The following GDE1 variants were observed in gnomAD, a reference collection of about 807,000 sequenced individuals.
The protein encoded by GDE1 is RGS16-interacting membrane protein.
A neutral mutation model predicts 32.2 loss-of-function variants in GDE1; 24 were observed. The ratio of observed to expected loss-of-function variants is 0.75; its 90% confidence interval spans 0.54 to 1.05. The LOEUF (loss-of-function observed/expected upper bound fraction) is 1.05, where lower values mean the gene tolerates loss of function less well. Ranked by LOEUF, GDE1 falls within the 50% of genes least tolerant of loss-of-function variation. The probability of loss-of-function intolerance (pLI) is 0.00; values close to 1 mark genes in which losing one functional copy is unlikely to be tolerated. For synonymous variants in GDE1, 159 were observed against 158.6 expected (o/e 1.00, Z -0.02); for missense variants, 380 against 415.0 (o/e 0.92, Z 0.73).
At chr16:19,518,127 A>G (rs907086775) in intron 1 of GDE1, among the ~76,000 whole-genome samples, 39 of 152,080 alleles carry the variant, frequency 2.6e-4, no homozygotes, top group African/African-American at 9.4e-4. Context: ...AGATCAAGCA[A>G]TCCTCCTGCC....
At position 19,506,404 on chromosome 16, in the gene GDE1, T is replaced by C. The variant is rs910899548; in HGVS notation, c.636+1283A>G. Among the ~76,000 whole-genome samples the C allele has an allele frequency of 2.0e-5, 3 of 152,142 alleles. No homozygotes were observed. In the East Asian group the frequency reaches 5.8e-4, roughly 29 times the overall value. On this transcript the variant is annotated intron_variant, in intron 4 of 5. Transcript: ENST00000353258. Reference sequence around the variant, plus strand: ...GCATAGTGGCTCACACCTGTAATCATTTTGGGAGGCCGAGGCAGGCAGATC... The same window carrying C: ...GCATAGTGGCTCACACCTGTAATCACTTTGGGAGGCCGAGGCAGGCAGATC...
At chr16:19,518,487 GC>G (rs984314468) in intron 1 of GDE1, among the ~76,000 whole-genome samples, 2 of 152,106 alleles carry the variant, frequency 1.3e-5, no homozygotes, top group African/African-American at 4.8e-5. Flanking sequence ...TAGGAAACTT[GC>G]CCAGGGCTGC....
At chr16:19,512,939 G>C (rs1969337053) in intron 2 of GDE1, among the ~76,000 whole-genome samples, 1 of 150,140 alleles carries the variant, frequency 6.7e-6, no homozygotes, top group South Asian at 2.1e-4. Context: ...GTGTGTGTGT[G>C]TGTGTGTGTG....
chr16:19,518,231 G>T (rs1236140822), intron 1 of GDE1, among the ~76,000 whole-genome samples: 1 of 152,080 alleles, frequency 6.6e-6, no homozygotes, highest in Non-Finnish European at 1.5e-5. Flanking sequence ...TTAAGTCATG[G>T]TCTATTGCAA....
chr16:19,510,036 AG>A (rs1246852645), intron 3 of GDE1, among the ~76,000 whole-genome samples: 1 of 152,188 alleles, frequency 6.6e-6, no homozygotes, highest in Non-Finnish European at 1.5e-5. Flanking sequence ...CTCAACCAGT[AG>A]ATGGCCCTTA....
At chr16:19,505,595 G>A (rs866746789) in intron 4 of GDE1, among the ~76,000 whole-genome samples, 1 of 152,094 alleles carries the variant, frequency 6.6e-6, no homozygotes, top group Non-Finnish European at 1.5e-5. Flanking sequence ...GAATGGGAGA[G>A]GACAACAGAG....
intron 2 of GDE1, among the ~76,000 whole-genome samples, chr16:19,512,927 TTGTGTGTGTG>T (rs144957791): frequency 6.0e-4 from 82 of 137,098 alleles, no homozygotes; most frequent in African/African-American, 8.1e-4. Flanking sequence ...TGTATCTGTT[TTGTGTGTGTG>T]TGTGTGTGTG....
At chr16:19,505,317 A>G (rs1250796570) in intron 4 of GDE1, among the ~76,000 whole-genome samples, 1 of 152,206 alleles carries the variant, frequency 6.6e-6, no homozygotes, top group Non-Finnish European at 1.5e-5. Context: ...CCCAGTCCTT[A>G]AAAACTGCAA....
At chr16:19,519,685 A>G (rs570378993) in intron 1 of GDE1, among the ~76,000 whole-genome samples, 1 of 152,178 alleles carries the variant, frequency 6.6e-6, no homozygotes, top group South Asian at 2.1e-4. Flanking sequence ...CTGGAATAAC[A>G]TAGAAGTACT....
chr16:19,507,189 C>T (rs1969259490), intron 4 of GDE1, among the ~76,000 whole-genome samples: 1 of 146,018 alleles, frequency 6.8e-6, no homozygotes, highest in Non-Finnish European at 1.5e-5. Context: ...AATAAAATGG[C>T]ATCACTTTTT....
At chr16:19,506,678 G>A (rs1293936464) in intron 4 of GDE1, among the ~76,000 whole-genome samples, 1 of 152,074 alleles carries the variant, frequency 6.6e-6, no homozygotes, top group Non-Finnish European at 1.5e-5. Context: ...GTAACACGCC[G>A]ATCTTACTTG....
Position 19,521,812 on chromosome 16 carries a change from G to C in GDE1, c.153C>G (p.Pro51=), listed in dbSNP as rs1969459255. The change falls in exon 1 of 6, where the codon CCC becomes CCG. Residue 51 remains proline, a synonymous_variant. Transcript: ENST00000353258. The stretch of plus-strand genomic sequence containing the variant: ...TGAGCACCTGCAGGGCCCTGCAAGA[G>C]GGCACCGGCTCAAAGCTGAAGACGC... The part of the protein sequence containing the change: ...LLRVFSFEPV[P]SCRALQVLKP... The C allele has an allele frequency of 6.2e-7, 1 of 1,611,520 alleles. No homozygotes were observed. The highest frequency in any genetic ancestry group is 8.5e-7 in the Non-Finnish European group (1 of 1,179,394).
chr16:19,504,560 G>A, intron 5 of GDE1: 1 of 234,932 alleles, frequency 4.3e-6, no homozygotes, highest in Non-Finnish European at 8.4e-6. Context: ...TCTTCACTGT[G>A]GTTCTGCCCA....
intron 2 of GDE1, among the ~76,000 whole-genome samples, chr16:19,515,874 C>T (rs1969374742): frequency 6.6e-6 from 1 of 152,066 alleles, no homozygotes; most frequent in Non-Finnish European, 1.5e-5. Context: ...ACACCCTTTT[C>T]AGTACTGCAA....
chr16:19,521,785 C>T lies in GDE1; in HGVS notation c.180G>A (p.Lys60=). Residue 60 remains lysine (K), a synonymous_variant, in exon 1 of 6, where the codon AAG becomes AAA. Coordinates refer to ENST00000353258, the MANE Select transcript of GDE1 (RefSeq NM_016641.4). ...VPSCRALQVL[K]PRDRISAIAH... is the part of the protein sequence containing the mutation. ...CGATGGCAGAAATGCGGTCCCGGGGCTTGAGCACCTGCAGGGCCCTGCAAG... is the reference window on the plus strand; with the variant it reads ...CGATGGCAGAAATGCGGTCCCGGGGTTTGAGCACCTGCAGGGCCCTGCAAG... 6.2e-7 allele frequency: 1 copy of T among 1,611,944 alleles called. No homozygotes were observed. The highest frequency in any genetic ancestry group is 8.5e-7 in the Non-Finnish European group (1 of 1,179,554).
chr16:19,504,822 T>A (rs765589950), intron 5 of GDE1, 59 bp downstream of exon 5: 5 of 1,098,874 alleles, frequency 4.6e-6, no homozygotes, highest in Non-Finnish European at 6.7e-6. Context: ...TAATCCTTCC[T>A]TTCAAATAAG....
In GDE1 at chr16:19,510,933, G is replaced by A. The variant is rs1969310653; in HGVS notation, c.449C>T (p.Pro150Leu). The A allele has an allele frequency of 6.4e-7, 1 of 1,555,714 alleles. No individual in the cohort carries two copies. The highest frequency in any genetic ancestry group is 8.8e-7 in the Non-Finnish European group (1 of 1,131,124). Reference protein sequence around the residue: ...AANHRLRNDFPDEKIPTLREA... With the variant: ...AANHRLRNDFLDEKIPTLREA... ...CCTTAGGGTAGGGATCTTTTCATCA[G>A]GGAAATCATTCCTGTAAGAGAAGAG... Residue 150 changes from proline (P) to leucine (L), a missense_variant, in exon 3 of 6, where the codon CCT (proline) becomes CTT (leucine). Pro to Leu is a moderately conservative substitution (Grantham distance 98). Coordinates refer to ENST00000353258, the MANE Select transcript of GDE1 (RefSeq NM_016641.4).
chr16:19,504,837 T>C, intron 5 of GDE1, 44 bp downstream of exon 5: 1 of 1,236,912 alleles, frequency 8.1e-7, no homozygotes, highest in Non-Finnish European at 1.2e-6. Flanking sequence ...AATAAGAGCA[T>C]TCAGGATGTC....
chr16:19,521,887 C>T lies in GDE1; in HGVS notation c.78G>A (p.Arg26=), dbSNP rs11551690. 18 of 1,602,354 alleles carry T rather than the reference C, an allele frequency of 1.1e-5. No individual in the cohort carries two copies. In the Admixed American group the frequency reaches 2.1e-4, roughly 18 times the overall value. ...TGAGGAGGCAGGCATTGACCGGGCT[C>T]CGCGTCACCAGCAGCAGCACTAGCA... ...FLLLVLLLVT[R]SPVNACLLTG... Residue 26 remains arginine, a synonymous_variant, in exon 1 of 6, where the codon CGG becomes CGA. Transcript: ENST00000353258.
Sources: allele counts gnomAD v4.1 joint callset (sites outside exome capture counted in the v4.1 genomes callset), GRCh38; gene constraint gnomAD v4.1.1; transcripts MANE v1.5; gene names NCBI Gene and HGNC (gene_info 2026-07-23, HGNC 2026-07-21).